CCSER1: variants seen among roughly 807,000 people sequenced by gnomAD.
CCSER1 encodes the protein coiled-coil serine rich protein 1.
A neutral mutation model predicts 82.0 loss-of-function variants in CCSER1; 41 were observed. That is an observed-to-expected ratio of 0.50 (90% CI 0.39 to 0.65). The LOEUF is 0.65. Ranked by LOEUF, CCSER1 falls within the 30% of genes least tolerant of loss-of-function variation. The probability of loss-of-function intolerance (pLI) is 0.00; values close to 1 mark genes in which losing one functional copy is unlikely to be tolerated. For missense variants in CCSER1, 1,119 were observed against 1,064.2 expected, an observed-to-expected ratio of 1.05 and a Z score of -0.72; for synonymous variants, 414 against 383.9, an observed-to-expected ratio of 1.08 and a Z score of -0.92.
At chr4:90,197,157 A>G (rs545586410) in intron 1 of CCSER1, among the ~76,000 whole-genome samples, 1 of 152,184 alleles carries the variant, frequency 6.6e-6, no homozygotes, top group East Asian at 1.9e-4. Flanking sequence ...GCTTACTTTT[A>G]CCCATTTATT....
intron 8 of CCSER1, among the ~76,000 whole-genome samples, chr4:90,889,133 G>T (rs944882178): frequency 1.2e-4 from 18 of 152,236 alleles, no homozygotes; most frequent in Admixed American, 3.3e-4. Context: ...CTGCGTGAAA[G>T]AATCAGTATA....
At chr4:91,458,912 A>G (rs1398230706) in intron 10 of CCSER1, among the ~76,000 whole-genome samples, 2 of 152,136 alleles carry the variant, frequency 1.3e-5, no homozygotes, top group African/African-American at 2.4e-5. Context: ...TTTTAAAAAT[A>G]TATGACCTCC....
chr4:91,282,374 C>G (rs1291475652), intron 10 of CCSER1, among the ~76,000 whole-genome samples: 1 of 152,162 alleles, frequency 6.6e-6, no homozygotes, highest in Non-Finnish European at 1.5e-5. Context: ...TTATGTCATT[C>G]AATGCTTGTT....
intron 1 of CCSER1, among the ~76,000 whole-genome samples, chr4:90,298,823 G>A (rs1194254917): frequency 6.6e-6 from 1 of 152,074 alleles, no homozygotes; most frequent in Non-Finnish European, 1.5e-5. Flanking sequence ...ATTCTTAACA[G>A]TTATGCATTC....
intron 5 of CCSER1, among the ~76,000 whole-genome samples, chr4:90,493,893 A>C (rs181745637): frequency 6.6e-6 from 1 of 152,348 alleles, no homozygotes; most frequent in African/African-American, 2.4e-5. Context: ...TCATAATGAC[A>C]GGATCAAATT....
chr4:90,865,131 T>C (rs536550202), intron 8 of CCSER1, among the ~76,000 whole-genome samples: 1 of 152,172 alleles, frequency 6.6e-6, no homozygotes, highest in South Asian at 2.1e-4. Flanking sequence ...TGTAAAATCA[T>C]GTAAAATTGA....
At chr4:91,197,849 T>A (rs1031767097) in intron 10 of CCSER1, among the ~76,000 whole-genome samples, 1 of 152,152 alleles carries the variant, frequency 6.6e-6, no homozygotes, top group African/African-American at 2.4e-5. Flanking sequence ...TGTATTTGAC[T>A]TTTCTCCTAG....
chr4:91,567,371 G>C (rs867052638), intron 10 of CCSER1, among the ~76,000 whole-genome samples: 2 of 152,052 alleles, frequency 1.3e-5, no homozygotes, highest in African/African-American at 4.8e-5. Context: ...TTTTAAGGTG[G>C]AGAGTTATGT....
chr4:90,558,058 A>G (rs546946403), intron 5 of CCSER1, among the ~76,000 whole-genome samples: 1 of 152,300 alleles, frequency 6.6e-6, no homozygotes, highest in Non-Finnish European at 1.5e-5. Context: ...CAAATAAAAT[A>G]TGCAACTAAG....
At chr4:91,033,720 T>A (rs1741186119) in intron 9 of CCSER1, among the ~76,000 whole-genome samples, 1 of 152,152 alleles carries the variant, frequency 6.6e-6, no homozygotes, top group African/African-American at 2.4e-5. Context: ...ATAGCTTACT[T>A]ACTACGGACT....
chr4:91,096,698 T>C (rs972154043), intron 10 of CCSER1, among the ~76,000 whole-genome samples: 20 of 152,204 alleles, frequency 1.3e-4, no homozygotes, highest in African/African-American at 4.6e-4. Context: ...GAATCCTTTC[T>C]TGAAATTATT....
At chr4:91,301,341 C>A (rs1205932353) in intron 10 of CCSER1, among the ~76,000 whole-genome samples, 1 of 151,568 alleles carries the variant, frequency 6.6e-6, no homozygotes, top group Non-Finnish European at 1.5e-5. Flanking sequence ...AGCTTTAAAA[C>A]AATTGCAATA....
chr4:90,482,636 A>T (rs1254194616), intron 5 of CCSER1, among the ~76,000 whole-genome samples: 2 of 152,210 alleles, frequency 1.3e-5, no homozygotes, highest in African/African-American at 4.8e-5. Context: ...TGTACCCAGT[A>T]GTCATTCAGG....
In CCSER1 at chr4:91,492,983, T is replaced by C. The variant is rs563131429; in HGVS notation, c.2218-105589T>C. ...ATTTTACATAGTGTAGATTATTTTGTGTGTTCCATTAAAAGCCTGTGAGAA... is the reference window on the plus strand; with the variant it reads ...ATTTTACATAGTGTAGATTATTTTGCGTGTTCCATTAAAAGCCTGTGAGAA... On this transcript the variant is annotated intron_variant, in intron 10 of 10. Coordinates refer to ENST00000509176, the MANE Select transcript of CCSER1 (RefSeq NM_001145065.2). Among the ~76,000 whole-genome samples the C allele has an allele frequency of 2.1e-3, 320 of 151,732 alleles. 1 individual carries two copies. The highest frequency in any genetic ancestry group is 7.4e-3 in the African/African-American group (306 of 41,400).
At chr4:91,462,375 G>T (rs1756557872) in intron 10 of CCSER1, among the ~76,000 whole-genome samples, 2 of 152,100 alleles carry the variant, frequency 1.3e-5, no homozygotes, top group Non-Finnish European at 2.9e-5. Flanking sequence ...AATATGGGAA[G>T]GGTGGTTCCA....
intron 10 of CCSER1, among the ~76,000 whole-genome samples, chr4:91,383,674 A>G (rs114018399): frequency 0.02 from 2,993 of 152,220 alleles, 81 homozygotes; most frequent in African/African-American, 0.067. Context: ...AATATTTACT[A>G]TGTTGCTCCG....
chr4:90,487,050 TA>T lies in CCSER1; in HGVS notation c.1724+18697del, dbSNP rs543321298. Among the ~76,000 whole-genome samples, 24 of 152,244 alleles carry T rather than the reference TA, an allele frequency of 1.6e-4. 1 individual carries two copies. In the East Asian group the frequency reaches 3.3e-3, roughly 21 times the overall value. ...CCTCAGCCTTCTGAGTAGCTGGGAT[TA>T]CAGGGGCCCACCACCATGCCCAGCT... is the stretch of plus-strand genomic sequence containing the variant. On this transcript the variant is annotated intron_variant, in intron 5 of 10. Transcript: ENST00000509176.
At chr4:90,504,998 A>G (rs1001069668) in intron 5 of CCSER1, among the ~76,000 whole-genome samples, 2 of 152,146 alleles carry the variant, frequency 1.3e-5, no homozygotes, top group Non-Finnish European at 2.9e-5. Context: ...GCCTAAAACA[A>G]CTGGGGCCAC....
intron 9 of CCSER1, among the ~76,000 whole-genome samples, chr4:91,084,856 A>T (rs944681876): frequency 3.3e-5 from 5 of 152,096 alleles, no homozygotes; most frequent in Admixed American, 6.6e-5. Context: ...TTATCTAAAC[A>T]ATCAAGAAAT....
Sources: gnomAD v4.1 joint callset for allele counts (sites outside exome capture counted in the v4.1 genomes callset) on GRCh38, gnomAD v4.1.1 for gene constraint, MANE v1.5 for transcripts, NCBI Gene and HGNC (gene_info 2026-07-23, HGNC 2026-07-21) for gene names.